The following SOX7 variants were observed in gnomAD, a reference collection of about 807,000 sequenced individuals.
The protein encoded by SOX7 is transcription factor SOX-7.
In SOX7, 19 loss-of-function variants were observed where a neutral mutation model predicts 24.9. The ratio of observed to expected loss-of-function variants is 0.76; its 90% CI spans 0.53 to 1.12. The LOEUF is 1.12. SOX7 is among the 50% of genes most tolerant of loss of function. The pLI is 0.00. For synonymous variants in SOX7, 327 were observed against 244.5 expected (o/e 1.34, Z -3.15); for missense variants, 702 against 535.0 (o/e 1.31, Z -3.08).
At position 10,730,273 on chromosome 8, in the gene SOX7, A is replaced by G; in HGVS notation, c.161T>C (p.Val54Ala). Reference sequence around the variant, plus strand: ...CCGTTTCCTCTCGTCCTTGGCCCAAACCATGAAGGCGTTCATGGGCCGCCG... The same window carrying G: ...CCGTTTCCTCTCGTCCTTGGCCCAAGCCATGAAGGCGTTCATGGGCCGCCG... ...RIRRPMNAFM[V>A]WAKDERKRLA... Residue 54 changes from valine (V) to alanine (A), a missense_variant, in exon 1 of 2, where the codon GTT (valine) becomes GCT (alanine). Val to Ala is a moderately conservative substitution (Grantham distance 64). Coordinates refer to ENST00000304501, the MANE Select transcript of SOX7 (RefSeq NM_031439.4). The surrounding 1 kb of genome is among the most constrained non-coding windows in gnomAD (Gnocchi z 4.8). 6.3e-7 allele frequency: 1 copy of G among 1,580,508 alleles called. No homozygotes were observed.
In SOX7 at chr8:10,724,055, A is replaced by G. The variant is rs1158246532; in HGVS notation, c.*1683T>C. On this transcript the variant is annotated 3_prime_UTR_variant, in exon 2 of 2. Coordinates refer to ENST00000304501, the MANE Select transcript of SOX7 (RefSeq NM_031439.4). ...CATCTTAGAAGGACAAAAAGGATTTATCAACAATACAAAACATAAGATAAA... is the reference window on the plus strand; with the variant it reads ...CATCTTAGAAGGACAAAAAGGATTTGTCAACAATACAAAACATAAGATAAA... 1 of 152,306 alleles carries G rather than the reference A, an allele frequency of 6.6e-6. No homozygotes were observed. Among genetic ancestry groups the G allele is most frequent in the Non-Finnish European group, 1.5e-5 (1 of 68,048 alleles). The allele number at this position is 152,306 out of a possible 1,614,324, so 9.4% of individuals were successfully genotyped here. A position where few individuals can be genotyped will look rare whatever the true frequency, so the allele number is the denominator to read the frequency against.
intron 1 of SOX7, among the ~76,000 whole-genome samples, chr8:10,727,192 T>A (rs565214546): frequency 6.6e-6 from 1 of 152,210 alleles, no homozygotes; most frequent in East Asian, 1.9e-4. Flanking sequence ...CAGTCAATAC[T>A]TTCACAGATG....
At position 10,725,465 on chromosome 8, in the gene SOX7, A is replaced by G. The variant is rs1177795229; in HGVS notation, c.*273T>C. On this transcript the variant is annotated 3_prime_UTR_variant, in exon 2 of 2. Coordinates refer to ENST00000304501, the MANE Select transcript of SOX7 (RefSeq NM_031439.4). Reference sequence around the variant, plus strand: ...AAGAAAAGACGTCAGTGAACATTCCACTGGGAGACAGCAACTCTCAGGGGC... The same window carrying G: ...AAGAAAAGACGTCAGTGAACATTCCGCTGGGAGACAGCAACTCTCAGGGGC... 2 of 509,868 alleles carry G rather than the reference A, an allele frequency of 3.9e-6. No individual in the cohort carries two copies. Among genetic ancestry groups the G allele is most frequent in the Non-Finnish European group, 7.0e-6 (2 of 286,056 alleles). The allele number at this position is 509,868 out of a possible 1,614,324, so 31.6% of individuals were successfully genotyped here. A position where few individuals can be genotyped will look rare whatever the true frequency, so the allele number is the denominator to read the frequency against.
At chr8:10,726,762 A>T (rs1290023182) in intron 1 of SOX7, 96 bp from the exon 2 acceptor site, 2 of 1,121,156 alleles carry the variant, frequency 1.8e-6, no homozygotes, top group Non-Finnish European at 2.5e-6. Context: ...ATGCACACAC[A>T]CCTCCCTTCC....
rs970587437 is a variant in SOX7 at position 10,725,463 on chromosome 8, C to T, written c.*275G>A. ...CCAAGAAAAGACGTCAGTGAACATT[C>T]CACTGGGAGACAGCAACTCTCAGGG... On this transcript the variant is annotated 3_prime_UTR_variant, in exon 2 of 2. Transcript: ENST00000304501. 1.4e-5 allele frequency: 7 copies of T among 505,674 alleles called. No individual in the cohort carries two copies. Among genetic ancestry groups the T allele is most frequent in the Non-Finnish European group, 1.1e-5 (3 of 283,544 alleles). The allele number at this position is 505,674 out of a possible 1,614,324, so 31.3% of individuals were successfully genotyped here. A position where few individuals can be genotyped will look rare whatever the true frequency, so the allele number is the denominator to read the frequency against.
At position 10,725,174 on chromosome 8, in the gene SOX7, G is replaced by A. The variant is rs553446272; in HGVS notation, c.*564C>T. 6.5e-6 allele frequency: 1 copy of A among 154,410 alleles called. No homozygotes were observed. Among genetic ancestry groups the A allele is most frequent in the African/African-American group, 2.4e-5 (1 of 41,432 alleles). 9.6% of individuals were successfully genotyped at this position (154,410 alleles called of 1,614,324 possible). A position where few individuals can be genotyped will look rare whatever the true frequency, so the allele number is the denominator to read the frequency against. On this transcript the variant is annotated 3_prime_UTR_variant, in exon 2 of 2. Coordinates refer to ENST00000304501, the MANE Select transcript of SOX7 (RefSeq NM_031439.4). ...CCATACTGGTTAATTTCTCAAATCA[G>A]GTTGACTGTTTTTTCTCAAATTGTA...
Position 10,726,178 on chromosome 8 carries a change from A to G in SOX7, c.727T>C (p.Ser243Pro). The G allele has an allele frequency of 6.2e-7, 1 of 1,610,306 alleles. No homozygotes were observed. Among genetic ancestry groups the G allele is most frequent in the South Asian group, 1.1e-5 (1 of 90,362 alleles). The change falls in exon 2 of 2, where the codon TCA becomes CCA. Residue 243 changes from serine (S) to proline (P), a missense_variant. Transcript: ENST00000304501. ...AGAGGGCTTGGGGCGTACTCCGGTGAGTACGGGTGCCCTGGCAGGTGGGGG... is the reference window on the plus strand; with the variant it reads ...AGAGGGCTTGGGGCGTACTCCGGTGGGTACGGGTGCCCTGGCAGGTGGGGG... ...RIPHLPGHPY[S>P]PEYAPSPLHC...
At chr8:10,728,337 G>T (rs1419669322) in intron 1 of SOX7, among the ~76,000 whole-genome samples, 1 of 152,162 alleles carries the variant, frequency 6.6e-6, no homozygotes. Flanking sequence ...TTAATGTTAA[G>T]GTTTGGAAGG....
Position 10,725,847 on chromosome 8 carries a change from CCACT to C in SOX7, c.1054_1057del (p.Ser352GlyfsTer8), listed in dbSNP as rs763747230. 1 of 1,614,190 alleles carries C rather than the reference CCACT, an allele frequency of 6.2e-7. No homozygotes were observed. The highest frequency in any genetic ancestry group is 1.1e-5 in the South Asian group (1 of 91,082). On this transcript the variant is annotated frameshift_variant, in exon 2 of 2. Coordinates refer to ENST00000304501, the MANE Select transcript of SOX7 (RefSeq NM_031439.4). LOFTEE classifies it high-confidence loss of function. ...TGTCACCTGGGAGACCGGAACATGC[CCACT>C]GAGGGCCATGGCCCCTGTGGCGGAG...
chr8:10,727,459 T>G (rs188117507), intron 1 of SOX7, among the ~76,000 whole-genome samples: 1 of 152,228 alleles, frequency 6.6e-6, no homozygotes, highest in Non-Finnish European at 1.5e-5. Flanking sequence ...TTCCCTGCAC[T>G]TTCCAGAGTC....
chr8:10,730,303 C>T lies in SOX7; in HGVS notation c.131G>A (p.Arg44His). ...GAAGGCGTTCATGGGCCGCCGGATA[C>T]GGCTCTCGGAGCCCTTGTCCCCCGG... Reference protein sequence around the residue: ...RPPGDKGSESRIRRPMNAFMV... With the variant: ...RPPGDKGSESHIRRPMNAFMV... Residue 44 changes from arginine to histidine, a missense_variant, in exon 1 of 2, where the codon CGT becomes CAT. Coordinates refer to ENST00000304501, the MANE Select transcript of SOX7 (RefSeq NM_031439.4). This position sits in a 1 kb window ranked among gnomAD's most constrained non-coding sequence, Gnocchi z 4.8. 6.3e-7 allele frequency: 1 copy of T among 1,579,532 alleles called. No individual in the cohort carries two copies. The highest frequency in any genetic ancestry group is 8.6e-7 in the Non-Finnish European group (1 of 1,165,026).
At chr8:10,728,692 T>C (rs1402726135) in intron 1 of SOX7, among the ~76,000 whole-genome samples, 2 of 152,164 alleles carry the variant, frequency 1.3e-5, no homozygotes, top group Admixed American at 1.3e-4. Flanking sequence ...TCCCCAACTC[T>C]GCAGAGCCAT....
In SOX7 at chr8:10,730,052, G is replaced by T. The variant is rs1226811567; in HGVS notation, c.238+144C>A. ...CGCGAGCACCCACGCTCGCGCAGAT[G>T]GCCAGCCACGCGGGCACGAAGAGGG... On this transcript the variant is annotated intron_variant, in intron 1 of 1. Coordinates refer to ENST00000304501, the MANE Select transcript of SOX7 (RefSeq NM_031439.4). This position sits in a 1 kb window ranked among gnomAD's most constrained non-coding sequence, Gnocchi z 4.8. 2.1e-6 allele frequency: 1 copy of T among 478,366 alleles called. No homozygotes were observed. 29.6% of individuals were successfully genotyped at this position (478,366 alleles called of 1,614,324 possible).
chr8:10,726,584 C>G lies in SOX7; in HGVS notation c.321G>C (p.Gln107His). 1 of 1,610,420 alleles carries G rather than the reference C, an allele frequency of 6.2e-7. No individual in the cohort carries two copies. Among genetic ancestry groups the G allele is most frequent in the South Asian group, 1.1e-5 (1 of 91,070 alleles). Residue 107 changes from glutamine (Q) to histidine (H), a missense_variant, in exon 2 of 2, where the codon CAG (glutamine) becomes CAC (histidine). Gln to His is a conservative substitution (Grantham distance 24). Coordinates refer to ENST00000304501, the MANE Select transcript of SOX7 (RefSeq NM_031439.4). ...GCCGGTACTTGTAGTTGGGGTAGTC[C>G]TGCATGTGCTGCAGGCGCAGCCGCT... The part of the protein sequence containing the change: ...EAERLRLQHM[Q>H]DYPNYKYRPR...
Position 10,725,909 on chromosome 8 carries a change from G to A in SOX7, c.996C>T (p.Phe332=), listed in dbSNP as rs1460068461. 25 of 1,614,076 alleles carry A rather than the reference G, an allele frequency of 1.5e-5. No individual in the cohort carries two copies. The highest frequency in any genetic ancestry group is 2.7e-5 in the African/African-American group (2 of 74,942). ...ELLGDMDRNE[F]DQYLNTPGHP... Reference sequence around the variant, plus strand: ...GGCCAGGAGTGTTCAAATACTGGTCGAATTCATTGCGATCCATGTCCCCCA... The same window carrying A: ...GGCCAGGAGTGTTCAAATACTGGTCAAATTCATTGCGATCCATGTCCCCCA... The change falls in exon 2 of 2, where the codon TTC becomes TTT. Residue 332 remains phenylalanine, a synonymous_variant. Transcript: ENST00000304501.
At position 10,725,613 on chromosome 8, in the gene SOX7, C is replaced by T. The variant is rs1415815433; in HGVS notation, c.*125G>A. 8 of 991,704 alleles carry T rather than the reference C, an allele frequency of 8.1e-6. No homozygotes were observed. In the East Asian group the frequency reaches 1.8e-4, roughly 22 times the overall value. The allele number at this position is 991,704 out of a possible 1,614,324, so 61.4% of individuals were successfully genotyped here. A position where few individuals can be genotyped will look rare whatever the true frequency, so the allele number is the denominator to read the frequency against. On this transcript the variant is annotated 3_prime_UTR_variant, in exon 2 of 2. Coordinates refer to ENST00000304501, the MANE Select transcript of SOX7 (RefSeq NM_031439.4). ...CCAGCTTAGGCCAAAGGCTCTGGGG[C>T]CGCAGTTCAGACCTCCCTGCCCTGA...
chr8:10,727,756 A>G (rs1800183549), intron 1 of SOX7, among the ~76,000 whole-genome samples: 1 of 152,122 alleles, frequency 6.6e-6, no homozygotes, highest in African/African-American at 2.4e-5. Flanking sequence ...GGATTCTACA[A>G]CTTTAACATG....
Position 10,726,487 on chromosome 8 carries a change from G to A in SOX7, c.418C>T (p.Arg140Trp), listed in dbSNP as rs771533496. 3.7e-6 allele frequency: 6 copies of A among 1,612,234 alleles called. No individual in the cohort carries two copies. The highest frequency in any genetic ancestry group is 2.7e-5 in the African/African-American group (2 of 74,906). ...TTCTCCGGCAGGGCGTTCTGGTCCC[G>A]GGAGAGGGAGCTCAGAAGGAAGCCC... ...DPGFLLSSLSRDQNALPEKRS... is the reference protein window; with the variant it reads ...DPGFLLSSLSWDQNALPEKRS... The change falls in exon 2 of 2, where the codon CGG becomes TGG. Residue 140 changes from arginine to tryptophan, a missense_variant. Physicochemically the swap from Arg to Trp is moderately radical, Grantham distance 101. Coordinates refer to ENST00000304501, the MANE Select transcript of SOX7 (RefSeq NM_031439.4).
rs754586848 is a variant in SOX7, at chr8:10,726,190, C to G, written c.715G>C (p.Gly239Arg). ...GCGTACTCCGGTGAGTACGGGTGCC[C>G]TGGCAGGTGGGGGATGCGGCGGGGA... ...GHPRRIPHLP[G>R]HPYSPEYAPS... Residue 239 changes from glycine to arginine, a missense_variant, in exon 2 of 2, where the codon GGG becomes CGG. Coordinates refer to ENST00000304501, the MANE Select transcript of SOX7 (RefSeq NM_031439.4). The G allele has an allele frequency of 1.2e-6, 2 of 1,612,304 alleles. No homozygotes were observed. The highest frequency in any genetic ancestry group is 2.2e-5 in the South Asian group (2 of 90,796).
Sources: gnomAD v4.1 joint callset for allele counts (sites outside exome capture counted in the v4.1 genomes callset) on GRCh38, gnomAD v4.1.1 for gene constraint, Gnocchi (gnomAD v3.1) non-coding constraint, MANE v1.5 for transcripts, NCBI Gene and HGNC (gene_info 2026-07-23, HGNC 2026-07-21) for gene names.